Variants in MEF2A observed in about 807,000 individuals in gnomAD.
MEF2A encodes the protein myocyte enhancer factor 2A.
MEF2A carries 28 observed loss-of-function variants against 55.8 expected under a neutral mutation model. The ratio of observed to expected loss-of-function variants is 0.50; its 90% confidence interval spans 0.37 to 0.69. The LOEUF (loss-of-function observed/expected upper bound fraction) is 0.69. Among genes scored for constraint, MEF2A ranks in the 30% least tolerant of loss-of-function variants. MEF2A has a pLI of 0.00. For synonymous variants in MEF2A, 239 were observed against 227.1 expected (o/e 1.05, Z -0.47); for missense variants, 528 against 626.2 (o/e 0.84, Z 1.67).
At chr15:99,567,032 T>C (rs1333303779) in intron 1 of MEF2A, among the ~76,000 whole-genome samples, 5 of 152,230 alleles carry the variant, frequency 3.3e-5, no homozygotes, top group African/African-American at 1.2e-4. Context: ...TTGGAAAAGG[T>C]GAGCAATCCT....
At chr15:99,676,581 T>G (rs575788678) in intron 7 of MEF2A, among the ~76,000 whole-genome samples, 42 of 152,182 alleles carry the variant, frequency 2.8e-4, no homozygotes, top group African/African-American at 8.7e-4. Flanking sequence ...GTTTTGTTTT[T>G]TTTTTTTTGA....
rs2058915256 is a variant in MEF2A, at chr15:99,713,989, T to TTAA, written c.*1221_*1223dup. On this transcript the variant is annotated 3_prime_UTR_variant, in exon 12 of 12. Coordinates refer to ENST00000557942, the MANE Select transcript of MEF2A (RefSeq NM_001319206.4). The stretch of plus-strand genomic sequence containing the variant: ...AGGTCCTTTATTAAGTATTCACTGT[T>TTAA]TAATATTTACTATTTTGTTAAATAT... 1 of 152,220 alleles carries TTAA rather than the reference T, an allele frequency of 6.6e-6. No homozygotes were observed. Among genetic ancestry groups the TTAA allele is most frequent in the South Asian group, 2.1e-4 (1 of 4,832 alleles). 9.4% of individuals were successfully genotyped at this position (152,220 alleles called of 1,614,324 possible).
intron 3 of MEF2A, among the ~76,000 whole-genome samples, chr15:99,640,456 T>C (rs2044672868): frequency 6.6e-6 from 1 of 152,116 alleles, no homozygotes; most frequent in South Asian, 2.1e-4. Flanking sequence ...CACCTTGATA[T>C]AGCTACATAT....
chr15:99,674,686 T>C, intron 6 of MEF2A, 74 bp downstream of exon 6: 2 of 1,240,902 alleles, frequency 1.6e-6, no homozygotes, highest in Non-Finnish European at 2.3e-6. Flanking sequence ...ATAAGCAGTT[T>C]CTTATTTTGC....
chr15:99,597,452 T>C (rs1238048685), intron 1 of MEF2A, among the ~76,000 whole-genome samples: 4 of 152,152 alleles, frequency 2.6e-5, no homozygotes, highest in Non-Finnish European at 5.9e-5. Context: ...TAAGATGTTA[T>C]CAGTGACAAT....
intron 4 of MEF2A, among the ~76,000 whole-genome samples, chr15:99,667,781 C>T (rs2050084013): frequency 6.6e-6 from 1 of 152,110 alleles, no homozygotes; most frequent in Non-Finnish European, 1.5e-5. Context: ...AAATTATTTG[C>T]ATTACTCTCA....
chr15:99,576,801 C>T (rs975469253), intron 1 of MEF2A, among the ~76,000 whole-genome samples: 5 of 151,942 alleles, frequency 3.3e-5, no homozygotes, highest in Admixed American at 2.6e-4. Flanking sequence ...CCACCGCGCC[C>T]GGCTAATTTT....
chr15:99,579,284 T>C (rs1965236235), intron 1 of MEF2A, among the ~76,000 whole-genome samples: 1 of 152,082 alleles, frequency 6.6e-6, no homozygotes, highest in Admixed American at 6.6e-5. Flanking sequence ...TATTGGCTTA[T>C]AGTTTTTTTT....
At chr15:99,582,666 A>G (rs1281082888) in intron 1 of MEF2A, among the ~76,000 whole-genome samples, 3 of 152,082 alleles carry the variant, frequency 2.0e-5, no homozygotes, top group Non-Finnish European at 2.9e-5. Context: ...CAAAGTCGCT[A>G]TTCATCTAGC....
intron 2 of MEF2A, among the ~76,000 whole-genome samples, chr15:99,611,061 G>T (rs909793998): frequency 6.6e-6 from 1 of 152,182 alleles, no homozygotes; most frequent in Non-Finnish European, 1.5e-5. Flanking sequence ...GGCCAACATG[G>T]TGAAACCCCA....
At chr15:99,616,996 A>C (rs1162258130) in intron 2 of MEF2A, among the ~76,000 whole-genome samples, 1 of 152,176 alleles carries the variant, frequency 6.6e-6, no homozygotes, top group Non-Finnish European at 1.5e-5. Flanking sequence ...TTACTCTTCC[A>C]CTGTCTCCTG....
intron 8 of MEF2A, among the ~76,000 whole-genome samples, chr15:99,693,137 A>C (rs2055811332): frequency 1.3e-5 from 2 of 152,204 alleles, no homozygotes; most frequent in South Asian, 4.1e-4. Context: ...TCCAGCTTCT[A>C]ATGAAATTAA....
intron 1 of MEF2A, among the ~76,000 whole-genome samples, chr15:99,569,155 C>G (rs1960997216): frequency 6.6e-6 from 1 of 152,236 alleles, no homozygotes; most frequent in Admixed American, 6.5e-5. Flanking sequence ...TCCAGCTCCA[C>G]TGCTGACAGA....
intron 8 of MEF2A, among the ~76,000 whole-genome samples, chr15:99,693,586 A>G (rs2055919498): frequency 6.6e-6 from 1 of 152,260 alleles, no homozygotes; most frequent in Non-Finnish European, 1.5e-5. Context: ...AGCGAGAAAA[A>G]GGGAGTAACA....
At chr15:99,673,102 A>G (rs1370592081) in intron 5 of MEF2A, among the ~76,000 whole-genome samples, 1 of 152,186 alleles carries the variant, frequency 6.6e-6, no homozygotes, top group Non-Finnish European at 1.5e-5. Flanking sequence ...TAAACTGTGT[A>G]TTGTATGCCT....
At chr15:99,583,351 T>C (rs1289476760) in intron 1 of MEF2A, among the ~76,000 whole-genome samples, 1 of 152,152 alleles carries the variant, frequency 6.6e-6, no homozygotes, top group Admixed American at 6.5e-5. Context: ...TTTTCTACAT[T>C]CTGGTTAAAA....
Position 99,694,888 on chromosome 15 carries a change from A to G in MEF2A, c.858+4460A>G, listed in dbSNP as rs185266084. On this transcript the variant is annotated intron_variant, in intron 8 of 11. Transcript: ENST00000557942. ...TTTTAATACTTTGGTTTATAATACA[A>G]TACCACGTTTTTCTGTTGCTTTGTT... 3.4e-3 allele frequency among the ~76,000 whole-genome samples: 511 copies of G among 152,218 alleles called. 2 individuals are homozygous for G. Among genetic ancestry groups the G allele is most frequent in the African/African-American group, 0.012 (497 of 41,508 alleles).
At chr15:99,573,597 G>A (rs1355453047) in intron 1 of MEF2A, among the ~76,000 whole-genome samples, 1 of 152,068 alleles carries the variant, frequency 6.6e-6, no homozygotes, top group Non-Finnish European at 1.5e-5. Context: ...CATCCCTTCT[G>A]GCCCTATTAC....
At chr15:99,693,313 T>G (rs2055851291) in intron 8 of MEF2A, among the ~76,000 whole-genome samples, 1 of 152,140 alleles carries the variant, frequency 6.6e-6, no homozygotes, top group African/African-American at 2.4e-5. Flanking sequence ...ATAACATATT[T>G]ATAATTGGAC....
Sources: allele counts gnomAD v4.1 joint callset (sites outside exome capture counted in the v4.1 genomes callset), GRCh38; gene constraint gnomAD v4.1.1; transcripts MANE v1.5; gene names NCBI Gene and HGNC (gene_info 2026-07-23, HGNC 2026-07-21).